SHANK2: variants seen among roughly 807,000 people sequenced by gnomAD.
SHANK2 encodes the protein SH3 and multiple ankyrin repeat domains 2.
In SHANK2, 43 loss-of-function variants were observed where a neutral mutation model predicts 133.7. The observed-to-expected ratio is 0.32, with a 90% CI of 0.25 to 0.41. SHANK2 has a LOEUF of 0.41. Ranked by LOEUF, SHANK2 falls within the 10% of genes least tolerant of loss-of-function variation. SHANK2 has a pLI of 1.00. For missense variants in SHANK2, 1,994 were observed against 2,235.8 expected, an observed-to-expected ratio of 0.89 and a Z score of 2.18; for synonymous variants, 1,017 against 952.8, an observed-to-expected ratio of 1.07 and a Z score of -1.24.
intron 17 of SHANK2, among the ~76,000 whole-genome samples, chr11:70,546,726 C>T (rs1554976492): frequency 1.3e-5 from 2 of 152,178 alleles, no homozygotes; most frequent in Non-Finnish European, 2.9e-5. Context: ...CTGGGCTGCC[C>T]CAGTCCCCTC....
intron 10 of SHANK2, among the ~76,000 whole-genome samples, chr11:70,936,448 G>T (rs1459171745): frequency 6.6e-6 from 1 of 152,172 alleles, no homozygotes; most frequent in Non-Finnish European, 1.5e-5. Context: ...GGAGGTGGAG[G>T]TTGCAGTGAG....
At chr11:70,589,616 GGCTATA>G (rs1408856723) in intron 17 of SHANK2, among the ~76,000 whole-genome samples, 2 of 152,302 alleles carry the variant, frequency 1.3e-5, no homozygotes, top group African/African-American at 4.8e-5. Context: ...CATTTTGTAA[GGCTATA>G]GCTGCCATAA....
intron 2 of SHANK2, among the ~76,000 whole-genome samples, chr11:71,158,479 C>A (rs570804509): frequency 6.6e-6 from 1 of 152,240 alleles, no homozygotes; most frequent in African/African-American, 2.4e-5. Flanking sequence ...TGAAGGTAGA[C>A]CCAAATAAAT....
chr11:71,080,479 T>G (rs1951283556), intron 8 of SHANK2, among the ~76,000 whole-genome samples: 1 of 152,212 alleles, frequency 6.6e-6, no homozygotes. Flanking sequence ...CACCTGGGGT[T>G]GTGCAATGCC....
chr11:70,735,518 A>G (rs1231055590), intron 14 of SHANK2, among the ~76,000 whole-genome samples: 1 of 152,166 alleles, frequency 6.6e-6, no homozygotes, highest in Non-Finnish European at 1.5e-5. Flanking sequence ...AGCCTGGCCA[A>G]CATGGTGAAA....
chr11:70,953,977 G>C (rs1950880934), intron 10 of SHANK2, among the ~76,000 whole-genome samples: 1 of 152,210 alleles, frequency 6.6e-6, no homozygotes, highest in African/African-American at 2.4e-5. Context: ...GTGTATGTGT[G>C]TGTGTGTCTA....
intron 17 of SHANK2, among the ~76,000 whole-genome samples, chr11:70,625,810 G>GA (rs34147403): frequency 0.021 from 864 of 41,398 alleles, 154 homozygotes; most frequent in African/African-American, 0.06. Flanking sequence ...GTGCAAAAAT[G>GA]AAAAAAAAAA....
chr11:71,242,181 A>T (rs1954902052), intron 1 of SHANK2, among the ~76,000 whole-genome samples: 1 of 152,188 alleles, frequency 6.6e-6, no homozygotes, highest in Non-Finnish European at 1.5e-5. Flanking sequence ...AGGTCCCTAC[A>T]GAAGTCAAAG....
intron 17 of SHANK2, among the ~76,000 whole-genome samples, chr11:70,559,397 C>T (rs868917320): frequency 6.6e-6 from 1 of 152,218 alleles, no homozygotes; most frequent in Non-Finnish European, 1.5e-5. Context: ...AGAGTTTCCA[C>T]ACACCACGCT....
intron 14 of SHANK2, among the ~76,000 whole-genome samples, chr11:70,797,055 A>G (rs1947929223): frequency 6.6e-6 from 1 of 152,146 alleles, no homozygotes; most frequent in Admixed American, 6.5e-5. Flanking sequence ...TCCCTTTATT[A>G]CAGAGGCCCC....
At chr11:70,820,811 G>A (rs1948503035) in intron 11 of SHANK2, 129 bp from the exon 12 acceptor site, 1 of 558,592 alleles carries the variant, frequency 1.8e-6, no homozygotes, top group Non-Finnish European at 3.2e-6. Context: ...GGGGAGCTGT[G>A]AGTTCTGGGC....
intron 17 of SHANK2, among the ~76,000 whole-genome samples, chr11:70,573,330 G>T (rs1343745132): frequency 1.9e-5 from 2 of 106,112 alleles, no homozygotes; most frequent in Non-Finnish European, 3.9e-5. Context: ...GGGGGGGGGG[G>T]GCGGGGGCAG....
At chr11:70,598,337 A>C (rs1470204826) in intron 17 of SHANK2, among the ~76,000 whole-genome samples, 1 of 152,208 alleles carries the variant, frequency 6.6e-6, no homozygotes, top group African/African-American at 2.4e-5. Flanking sequence ...CTATCTGGGA[A>C]GGAGCTGAAA....
intron 25 of SHANK2, among the ~76,000 whole-genome samples, chr11:70,478,225 C>T (rs1668284113): frequency 6.6e-6 from 1 of 151,906 alleles, no homozygotes; most frequent in East Asian, 1.9e-4. Flanking sequence ...TAGCTCACTG[C>T]AGCCTCAACC....
chr11:71,142,966 G>GCTCAGGC (rs1279133433), intron 3 of SHANK2, among the ~76,000 whole-genome samples: 6 of 152,188 alleles, frequency 3.9e-5, no homozygotes, highest in Non-Finnish European at 8.8e-5. Flanking sequence ...AGGCACAGTG[G>GCTCAGGC]CTCAGGCCTG....
chr11:71,201,355 C>T (rs970010262), intron 2 of SHANK2, among the ~76,000 whole-genome samples: 14 of 152,250 alleles, frequency 9.2e-5, no homozygotes, highest in South Asian at 4.1e-4. Context: ...CGTCTTTCCA[C>T]GCCTCAGGAG....
intron 8 of SHANK2, among the ~76,000 whole-genome samples, chr11:71,091,504 A>C (rs538089691): frequency 6.6e-6 from 1 of 152,188 alleles, no homozygotes; most frequent in African/African-American, 2.4e-5. Flanking sequence ...CCAAGCAAGA[A>C]ACCAGTCAGG....
At chr11:70,656,732 C>T (rs2061410352) in intron 17 of SHANK2, among the ~76,000 whole-genome samples, 1 of 152,186 alleles carries the variant, frequency 6.6e-6, no homozygotes, top group Non-Finnish European at 1.5e-5. Flanking sequence ...TATTACCACA[C>T]AGCTTGAGTG....
At chr11:70,755,718 G>T (rs1415881865) in intron 14 of SHANK2, among the ~76,000 whole-genome samples, 6 of 152,194 alleles carry the variant, frequency 3.9e-5, no homozygotes, top group African/African-American at 1.4e-4. Context: ...CCACAAGCAG[G>T]GACGCCAGGC....
Sources: allele counts gnomAD v4.1 joint callset (sites outside exome capture counted in the v4.1 genomes callset), GRCh38; gene constraint gnomAD v4.1.1; transcripts MANE v1.5; gene names NCBI Gene and HGNC (gene_info 2026-07-23, HGNC 2026-07-21).